TUBA3C: variants seen among roughly 807,000 people sequenced by gnomAD.
TUBA3C encodes the protein tubulin alpha-3C chain.
In TUBA3C, 23 loss-of-function variants were observed where a neutral mutation model predicts 33.4. That is an observed-to-expected ratio of 0.69 (90% confidence interval 0.50 to 0.98). The LOEUF (loss-of-function observed/expected upper bound fraction) is 0.98, where lower values mean the gene tolerates loss of function less well. Ranked by LOEUF, TUBA3C falls within the 50% of genes least tolerant of loss-of-function variation. TUBA3C has a pLI of 0.00. For missense variants in TUBA3C, 402 were observed against 616.0 expected (o/e 0.65, Z 3.68); for synonymous variants, 269 against 250.4 (o/e 1.07, Z -0.70).
chr13:19,178,147 AC>A, intron 3 of TUBA3C, 98 bp downstream of exon 3: 1 of 1,539,602 alleles, frequency 6.5e-7, no homozygotes, highest in East Asian at 2.3e-5. Flanking sequence ...GACCCAGCCA[AC>A]GCACTGGTCT....
At chr13:19,176,384 C>T (rs1422292863) in intron 4 of TUBA3C, among the ~76,000 whole-genome samples, 1 of 152,102 alleles carries the variant, frequency 6.6e-6, no homozygotes, top group Non-Finnish European at 1.5e-5. Flanking sequence ...CCACTGCACT[C>T]CAGCCTTCTC....
At position 19,179,344 on chromosome 13, in the gene TUBA3C, CCA is replaced by C. The variant is rs1195629868; in HGVS notation, c.221_222del (p.Val74GlyfsTer3). On this transcript the variant is annotated frameshift_variant, in exon 2 of 5. Transcript: ENST00000400113. LOFTEE classifies it high-confidence loss of function. ...RAVFVDLEPT[V>X]VDEVRTGTYR... The stretch of plus-strand genomic sequence containing the variant: ...CATCCAGGACCCGAGCACCTACCGA[CCA>C]CAGTGGGCTCCAGGTCCACAAACAC... The C allele has an allele frequency of 1.2e-6, 2 of 1,613,882 alleles. No individual in the cohort carries two copies. Among genetic ancestry groups the C allele is most frequent in the Non-Finnish European group, 1.7e-6 (2 of 1,179,874 alleles).
At chr13:19,175,030 C>T (rs1360498106) in intron 4 of TUBA3C, among the ~76,000 whole-genome samples, 2 of 152,060 alleles carry the variant, frequency 1.3e-5, no homozygotes, top group South Asian at 2.1e-4. Context: ...GGACAGATCA[C>T]GAGGTCAGGA....
At chr13:19,181,225 A>G (rs900278237) in intron 1 of TUBA3C, among the ~76,000 whole-genome samples, 1 of 151,576 alleles carries the variant, frequency 6.6e-6, no homozygotes, top group Non-Finnish European at 1.5e-5. Flanking sequence ...GAATTTTTCT[A>G]TTTTTAGTAG....
rs1311321599 is a variant in TUBA3C at position 19,178,278 on chromosome 13, C to T, written c.343G>A (p.Val115Ile). ...CGGATCCGGTCCAGGACCAGGTCGA[C>T]GATCTCCTTGCCGATGGTGTAATGG... ...RGHYTIGKEIVDLVLDRIRKL... is the reference protein window; with the variant it reads ...RGHYTIGKEIIDLVLDRIRKL... Residue 115 changes from valine to isoleucine, a missense_variant, in exon 3 of 5, where the codon GTC (valine) becomes ATC (isoleucine). Physicochemically the swap from Val to Ile is conservative, Grantham distance 29. Coordinates refer to ENST00000400113, the MANE Select transcript of TUBA3C (RefSeq NM_006001.3). 6.8e-6 allele frequency: 11 copies of T among 1,614,076 alleles called. No homozygotes were observed. The highest frequency in any genetic ancestry group is 3.3e-5 in the South Asian group (3 of 91,078).
In TUBA3C at chr13:19,177,431, G is replaced by T; in HGVS notation, c.552C>A (p.Pro184=). ...TGTGGGTGGTCAGGATGGAGTTGTA[G>T]GGCTCCACCACGGCCGTGGAGACCT... ...APQVSTAVVE[P]YNSILTTHTT... The change falls in exon 4 of 5, where the codon CCC becomes CCA. Residue 184 remains proline, a synonymous_variant. Transcript: ENST00000400113. This position sits in a 1 kb window ranked among gnomAD's most constrained non-coding sequence, Gnocchi z 5.0. 6.2e-7 allele frequency: 1 copy of T among 1,614,108 alleles called. No homozygotes were observed. Among genetic ancestry groups the T allele is most frequent in the Non-Finnish European group, 8.5e-7 (1 of 1,180,016 alleles).
At chr13:19,174,192 G>C (rs749613853) in intron 4 of TUBA3C, 33 bp from the exon 5 acceptor site, 3 of 1,575,658 alleles carry the variant, frequency 1.9e-6, no homozygotes, top group Non-Finnish European at 1.7e-6. Context: ...AGTCCATGAA[G>C]CTTATATCAA....
intron 3 of TUBA3C, 28 bp downstream of exon 3, chr13:19,178,218 A>G (rs374967199): frequency 1.3e-5 from 21 of 1,613,228 alleles, no homozygotes; most frequent in Non-Finnish European, 1.6e-5. Context: ...GTGCAGGACA[A>G]TGGTCACATG....
intron 4 of TUBA3C, 92 bp downstream of exon 4, chr13:19,176,835 T>A: frequency 3.6e-6 from 5 of 1,372,680 alleles, no homozygotes; most frequent in Non-Finnish European, 4.9e-6. Context: ...AGGGGTAGTA[T>A]CCTCAAAGGA....
In TUBA3C at chr13:19,179,464, G is replaced by T. The variant is rs1869323314; in HGVS notation, c.103C>A (p.Gln35Lys). The change falls in exon 2 of 5, where the codon CAG (glutamine) becomes AAG (lysine). Residue 35 changes from glutamine to lysine, a missense_variant. Transcript: ENST00000400113. Reference protein sequence around the residue: ...CLEHGIQPDGQMPSDKTIGGG... With the variant: ...CLEHGIQPDGKMPSDKTIGGG... ...CCAATGGTTTTATCACTTGGCATCT[G>T]ACCATCGGGCTGAATTCCATGTTCC... 6.2e-7 allele frequency: 1 copy of T among 1,614,002 alleles called. No individual in the cohort carries two copies. The highest frequency in any genetic ancestry group is 1.3e-5 in the African/African-American group (1 of 74,932).
rs375498334 is a variant in TUBA3C at position 19,176,993 on chromosome 13, C to T, written c.990G>A (p.Ala330=). 68 of 1,614,014 alleles carry T rather than the reference C, an allele frequency of 4.2e-5. No individual in the cohort carries two copies. The highest frequency in any genetic ancestry group is 1.7e-4 in the Middle Eastern group (1 of 6,060). ...RGDVVPKDVN[A]AIATIKTKRT... The stretch of plus-strand genomic sequence containing the variant: ...GCTTGGTCTTGATGGTGGCGATGGC[C>T]GCGTTGACATCTTTCGGGACCACAT... The change falls in exon 4 of 5, where the codon GCG becomes GCA. Residue 330 remains alanine (A), a synonymous_variant. Transcript: ENST00000400113.
chr13:19,181,599 G>T, intron 1 of TUBA3C, 146 bp downstream of exon 1: 1 of 1,184,264 alleles, frequency 8.4e-7, no homozygotes, highest in Non-Finnish European at 1.2e-6. Flanking sequence ...GTGTCCTCGT[G>T]TCCCGCCCTG....
chr13:19,179,519 G>T lies in TUBA3C; in HGVS notation c.48C>A (p.Ile16=). Residue 16 remains isoleucine, a synonymous_variant, in exon 2 of 5, where the codon ATC becomes ATA. Coordinates refer to ENST00000400113, the MANE Select transcript of TUBA3C (RefSeq NM_006001.3). ...AGTACAGTTCCCAGCAGGCATTGCC[G>T]ATCTGGACTCCTGCCTGCCCCACGT... ...SIHVGQAGVQ[I]GNACWELYCL... is the part of the protein sequence containing the mutation. 1 of 1,614,214 alleles carries T rather than the reference G, an allele frequency of 6.2e-7. No homozygotes were observed. The highest frequency in any genetic ancestry group is 8.5e-7 in the Non-Finnish European group (1 of 1,180,026).
rs761424931 is a variant in TUBA3C, at chr13:19,179,380, G to GC, written c.186dup (p.Pro63AlafsTer15). On this transcript the variant is annotated frameshift_variant, in exon 2 of 5. Transcript: ENST00000400113. LOFTEE classifies it high-confidence loss of function. Reference sequence around the variant, plus strand: ...TCCAGGTCCACAAACACTGCTCTGGGCACGTGCTTGCCAGCTCCAGTCTCA... The same window carrying GC: ...TCCAGGTCCACAAACACTGCTCTGGGCCACGTGCTTGCCAGCTCCAGTCTCA... 6.2e-7 allele frequency: 1 copy of GC among 1,613,962 alleles called. No individual in the cohort carries two copies. Among genetic ancestry groups the GC allele is most frequent in the African/African-American group, 1.3e-5 (1 of 75,048 alleles).
rs1452175957 is a variant in TUBA3C, at chr13:19,177,245, C to A, written c.738G>T (p.Gly246=). The A allele has an allele frequency of 1.9e-6, 3 of 1,614,082 alleles. No homozygotes were observed. The highest frequency in any genetic ancestry group is 2.5e-6 in the Non-Finnish European group (3 of 1,180,032). ...SSITASLRFD[G]ALNVDLTEFQ... The stretch of plus-strand genomic sequence containing the variant: ...ATTCCGTCAAGTCCACATTCAGGGC[C>A]CCGTCAAATCGCAGGGAGGCCGTGA... The change falls in exon 4 of 5, where the codon GGG becomes GGT. Residue 246 remains glycine, a synonymous_variant. Transcript: ENST00000400113. The surrounding 1 kb of genome is among the most constrained non-coding windows in gnomAD (Gnocchi z 5.0).
chr13:19,180,792 G>T (rs941587711), intron 1 of TUBA3C, among the ~76,000 whole-genome samples: 1 of 151,794 alleles, frequency 6.6e-6, no homozygotes, highest in African/African-American at 2.4e-5. Context: ...ACAGCGCCCG[G>T]CCGAAAAATT....
chr13:19,178,110 T>A (rs1869266292), intron 3 of TUBA3C, 136 bp downstream of exon 3: 1 of 1,374,404 alleles, frequency 7.3e-7, no homozygotes, highest in Non-Finnish European at 1.0e-6. Context: ...CCTCCCAAAG[T>A]GTTGGGATTA....
At position 19,181,822 on chromosome 13, in the gene TUBA3C, G is replaced by C. The variant is rs779169508; in HGVS notation, c.-75C>G. 6.3e-7 allele frequency: 1 copy of C among 1,581,862 alleles called. No homozygotes were observed. Among genetic ancestry groups the C allele is most frequent in the Non-Finnish European group, 8.6e-7 (1 of 1,167,792 alleles). On this transcript the variant is annotated 5_prime_UTR_variant, in exon 1 of 5. Transcript: ENST00000400113. ...GCCGCTGCAGCTGCGCACGCCCAAC[G>C]ACAGCCTCCCGCCGTGCGCTGTCTG... is the stretch of plus-strand genomic sequence containing the variant.
rs1299521035 is a variant in TUBA3C, at chr13:19,181,451, G to A, written c.3+294C>T. Among the ~76,000 whole-genome samples, 8 of 152,246 alleles carry A rather than the reference G, an allele frequency of 5.3e-5. No individual in the cohort carries two copies. In the East Asian group the frequency reaches 1.4e-3, roughly 26 times the overall value. ...GGGAGCAGCGCCCTTCTGTCTTCAGGAGGCGGCACCACTGTTTGCTCTCTG... is the reference window on the plus strand; with the variant it reads ...GGGAGCAGCGCCCTTCTGTCTTCAGAAGGCGGCACCACTGTTTGCTCTCTG... On this transcript the variant is annotated intron_variant, in intron 1 of 4. Transcript: ENST00000400113.
Sources: gnomAD v4.1 joint callset for allele counts (sites outside exome capture counted in the v4.1 genomes callset) on GRCh38, gnomAD v4.1.1 for gene constraint, Gnocchi (gnomAD v3.1) non-coding constraint, MANE v1.5 for transcripts, NCBI Gene and HGNC (gene_info 2026-07-23, HGNC 2026-07-21) for gene names.